CLVS1: variants seen among roughly 807,000 people sequenced by gnomAD.
CLVS1 encodes clavesin-1.
A neutral mutation model predicts 33.1 loss-of-function variants in CLVS1; 10 were observed. That is an observed-to-expected ratio of 0.30 (90% CI 0.19 to 0.51). CLVS1 has a LOEUF of 0.51. CLVS1 is among the 20% of genes least tolerant of loss of function. The pLI is 0.97. For missense variants in CLVS1, 343 were observed against 433.4 expected (o/e 0.79, Z 1.85); for synonymous variants, 163 against 166.1 (o/e 0.98, Z 0.14).
At chr8:61,108,490 T>A (rs773685840) in intron 1 of CLVS1, among the ~76,000 whole-genome samples, 8 of 152,204 alleles carry the variant, frequency 5.3e-5, no homozygotes, top group Non-Finnish European at 1.2e-4. Flanking sequence ...TCTTTTTCTA[T>A]ATGTATATAC....
intron 1 of CLVS1, among the ~76,000 whole-genome samples, chr8:61,094,306 C>T (rs147455797): frequency 6.6e-6 from 1 of 152,218 alleles, no homozygotes; most frequent in Non-Finnish European, 1.5e-5. Flanking sequence ...TGCAAGGACT[C>T]GGGGCACTGA....
upstream of CLVS1, among the ~76,000 whole-genome samples, chr8:61,286,898 T>A (rs989953703): frequency 3.3e-5 from 5 of 152,220 alleles, no homozygotes; most frequent in African/African-American, 1.2e-4. Context: ...CTTAACACTT[T>A]GCAAGTATTT....
the CLVS1 span, among the ~76,000 whole-genome samples, chr8:60,975,012 C>A: frequency 6.6e-6 from 1 of 152,072 alleles, no homozygotes; most frequent in Non-Finnish European, 1.5e-5. Flanking sequence ...TTGAGAAAAG[C>A]TCCCTCGATG....
intron 2 of CLVS1, among the ~76,000 whole-genome samples, chr8:61,338,130 C>T (rs774079574): frequency 2.4e-4 from 37 of 152,246 alleles, no homozygotes; most frequent in Non-Finnish European, 4.3e-4. Context: ...TGGAGCCCAG[C>T]GCGATCCATC....
At chr8:61,331,861 C>T (rs1017242942) in intron 2 of CLVS1, among the ~76,000 whole-genome samples, 17 of 149,700 alleles carry the variant, frequency 1.1e-4, no homozygotes, top group African/African-American at 4.3e-4. Context: ...TTCTTCTTCT[C>T]CTTCTTTTCC....
intron 1 of CLVS1, among the ~76,000 whole-genome samples, chr8:61,292,844 T>C (rs1006911332): frequency 1.3e-5 from 2 of 152,194 alleles, no homozygotes; most frequent in African/African-American, 2.4e-5. Context: ...TAAGTTGGCA[T>C]TCCCCTCAAC....
chr8:61,187,665 C>A (rs984917521), intron 2 of CLVS1, among the ~76,000 whole-genome samples: 6 of 151,720 alleles, frequency 4.0e-5, no homozygotes, highest in African/African-American at 1.5e-4. Context: ...TATTCTATTT[C>A]CAGCAATGTC....
intron 2 of CLVS1, among the ~76,000 whole-genome samples, chr8:61,317,128 C>T (rs994455318): frequency 5.3e-5 from 8 of 152,088 alleles, no homozygotes; most frequent in African/African-American, 1.7e-4. Flanking sequence ...AATTTATAAA[C>T]AACAGAAACT....
intron 2 of CLVS1, among the ~76,000 whole-genome samples, chr8:61,181,962 A>G (rs1017927779): frequency 1.4e-4 from 21 of 152,016 alleles, no homozygotes; most frequent in Admixed American, 2.6e-4. Context: ...CAGCCTCCCA[A>G]AGTGCTGGGA....
At chr8:61,211,911 G>A (rs1807978278) in intron 2 of CLVS1, among the ~76,000 whole-genome samples, 2 of 152,300 alleles carry the variant, frequency 1.3e-5, no homozygotes, top group South Asian at 4.1e-4. Context: ...GGCTGGCTTT[G>A]AAAGGGAAGG....
intron 3 of CLVS1, among the ~76,000 whole-genome samples, chr8:61,414,053 G>A (rs1348615713): frequency 6.6e-6 from 1 of 152,212 alleles, no homozygotes; most frequent in African/African-American, 2.4e-5. Context: ...TGGGATGTGA[G>A]TATGGTGTGT....
intron 3 of CLVS1, among the ~76,000 whole-genome samples, chr8:61,415,926 AC>A (rs1363237373): frequency 6.6e-6 from 1 of 152,124 alleles, no homozygotes; most frequent in African/African-American, 2.4e-5. Flanking sequence ...AAGTTTGGAG[AC>A]CCCTGCACTA....
chr8:61,489,128 T>G (rs920334688), intron 5 of CLVS1, among the ~76,000 whole-genome samples: 2 of 152,236 alleles, frequency 1.3e-5, no homozygotes. Flanking sequence ...AAAACTTTTT[T>G]CTCAATAATG....
intron 2 of CLVS1, among the ~76,000 whole-genome samples, chr8:61,225,070 A>G (rs1194319631): frequency 1.3e-5 from 2 of 152,200 alleles, no homozygotes; most frequent in African/African-American, 4.8e-5. Context: ...TAATCCCAGC[A>G]CTTTGGGAGG....
rs141010498 is a variant in CLVS1 at position 61,121,755 on chromosome 8, C to G, written c.-242-10015C>G. Among the ~76,000 whole-genome samples, 7 of 152,278 alleles carry G rather than the reference C, an allele frequency of 4.6e-5. No homozygotes were observed. In the East Asian group the frequency reaches 1.4e-3, roughly 29 times the overall value. On this transcript the variant is annotated intron_variant, in intron 1 of 2. Transcript: ENST00000522621. ...ACAGCAGGACAGTTCATAACAGAAACACACCCACACACACACAGACATTAA... is the reference window on the plus strand; with the variant it reads ...ACAGCAGGACAGTTCATAACAGAAAGACACCCACACACACACAGACATTAA...
the CLVS1 span, among the ~76,000 whole-genome samples, chr8:60,973,633 G>T: frequency 6.6e-6 from 1 of 152,222 alleles, no homozygotes; most frequent in Admixed American, 6.5e-5. Flanking sequence ...GGAGCATCTT[G>T]CAGGTCAAGT....
At position 61,253,942 on chromosome 8, in the gene CLVS1, G is replaced by C. The variant is rs559540677; in HGVS notation, c.-151-45735G>C. Among the ~76,000 whole-genome samples, 268 of 152,316 alleles carry C rather than the reference G, an allele frequency of 1.8e-3. 2 individuals are homozygous for C. Among genetic ancestry groups the C allele is most frequent in the African/African-American group, 6.2e-3 (259 of 41,566 alleles). ...ACTCGTCAAAGTCATTCTCCATCCA[G>C]CTTTGTTCCGTTGCTGGTGAGGAGC... On this transcript the variant is annotated intron_variant, in intron 2 of 2. Coordinates refer to the CLVS1 transcript ENST00000522621.
At chr8:61,411,805 G>A (rs1232019142) in intron 3 of CLVS1, among the ~76,000 whole-genome samples, 1 of 152,100 alleles carries the variant, frequency 6.6e-6, no homozygotes, top group Non-Finnish European at 1.5e-5. Context: ...CAGAGATGTC[G>A]CCCCATGTGG....
Position 61,226,921 on chromosome 8 carries a change from T to G in CLVS1, c.-151-72756T>G, listed in dbSNP as rs902084694. On this transcript the variant is annotated intron_variant, in intron 2 of 2. Coordinates refer to the CLVS1 transcript ENST00000522621. The stretch of plus-strand genomic sequence containing the variant: ...GTAATTTGAATGAATAAGAGTTCCT[T>G]TCTGATGATCCAGGGTTTCAGAATT... Among the ~76,000 whole-genome samples the G allele has an allele frequency of 3.9e-5, 6 of 152,134 alleles. No individual in the cohort carries two copies. In the South Asian group the frequency reaches 1.2e-3, roughly 32 times the overall value.
Sources: allele counts gnomAD v4.1 joint callset (sites outside exome capture counted in the v4.1 genomes callset), GRCh38; gene constraint gnomAD v4.1.1; transcripts MANE v1.5; gene names NCBI Gene and HGNC (gene_info 2026-07-23, HGNC 2026-07-21).